Variants in CSNK1G2 observed in about 807,000 individuals in gnomAD.
The protein encoded by CSNK1G2 is casein kinase I isoform gamma-2.
Under a neutral mutation model 48.0 loss-of-function variants are expected in CSNK1G2, and 11 were observed. That is an observed-to-expected ratio of 0.23 (90% CI 0.14 to 0.38). The LOEUF is 0.38. CSNK1G2 is among the 10% of genes least tolerant of loss of function. The probability of loss-of-function intolerance (pLI) is 1.00; values close to 1 mark genes in which losing one functional copy is unlikely to be tolerated. For missense variants in CSNK1G2, 446 were observed against 595.5 expected (o/e 0.75, Z 2.61); for synonymous variants, 337 against 254.1 (o/e 1.33, Z -3.10).
chr19:1,942,259 G>T (rs1047302593), intron 1 of CSNK1G2, among the ~76,000 whole-genome samples: 3 of 152,206 alleles, frequency 2.0e-5, no homozygotes, highest in Non-Finnish European at 4.4e-5. Context: ...TCCCCGCCTG[G>T]CTCCTCTCTC....
At chr19:1,977,324 C>G (rs1304034992) in intron 2 of CSNK1G2, among the ~76,000 whole-genome samples, 1 of 152,232 alleles carries the variant, frequency 6.6e-6, no homozygotes, top group Non-Finnish European at 1.5e-5. Context: ...CACCTCTAGG[C>G]TCACCCCTCG....
intron 1 of CSNK1G2, chr19:1,953,937 C>T (rs760552497): frequency 7.5e-6 from 4 of 533,768 alleles, no homozygotes; most frequent in East Asian, 5.4e-5. Context: ...GCAGTCGGCG[C>T]GGTGAGGTTG....
At chr19:1,970,476 C>T (rs2145574862) in intron 2 of CSNK1G2, among the ~76,000 whole-genome samples, 1 of 152,352 alleles carries the variant, frequency 6.6e-6, no homozygotes. Flanking sequence ...CCCTTCTGCT[C>T]ACACCAACCT....
chr19:1,959,620 C>T (rs36122336), intron 1 of CSNK1G2, among the ~76,000 whole-genome samples: 2,378 of 71,818 alleles, frequency 0.033, 213 homozygotes, highest in African/African-American at 0.068. Context: ...CCCCAGCACC[C>T]GTGCCACCTT....
At chr19:1,977,785 T>C (rs1219883786) in intron 2 of CSNK1G2, among the ~76,000 whole-genome samples, 1 of 149,352 alleles carries the variant, frequency 6.7e-6, no homozygotes, top group Non-Finnish European at 1.5e-5. Context: ...CTGGGCCTCG[T>C]ACCTTCTGCG....
Position 1,979,650 on chromosome 19 carries a change from G to C in CSNK1G2, c.1002+7G>C. The C allele has an allele frequency of 4.4e-6, 7 of 1,601,122 alleles. No homozygotes were observed. The highest frequency in any genetic ancestry group is 1.3e-5 in the African/African-American group (1 of 74,894). ...CTGGGCCGGGAAGCCCCTGGTAGGTGGGGGGGTGCCGGTATGTGGGAGCGG... is the reference window on the plus strand; with the variant it reads ...CTGGGCCGGGAAGCCCCTGGTAGGTCGGGGGGTGCCGGTATGTGGGAGCGG... On this transcript the variant is annotated splice_region_variant and intron_variant, in intron 9 of 11. Coordinates refer to ENST00000255641, the MANE Select transcript of CSNK1G2 (RefSeq NM_001319.7).
chr19:1,944,927 C>T (rs2145492282), intron 1 of CSNK1G2, among the ~76,000 whole-genome samples: 1 of 152,358 alleles, frequency 6.6e-6, no homozygotes, highest in South Asian at 2.1e-4. Context: ...TAGCATCCCA[C>T]CCTTGCTGCC....
chr19:1,948,203 A>G (rs915231126), intron 1 of CSNK1G2, among the ~76,000 whole-genome samples: 3 of 152,338 alleles, frequency 2.0e-5, no homozygotes, highest in Admixed American at 1.3e-4. Context: ...GGTGCTGGCC[A>G]GAGCCGGGCT....
intron 1 of CSNK1G2, among the ~76,000 whole-genome samples, chr19:1,965,423 A>G (rs940013470): frequency 1.3e-5 from 2 of 151,652 alleles, no homozygotes; most frequent in Non-Finnish European, 2.9e-5. Flanking sequence ...CCCTGCTAGC[A>G]CAACATCCAG....
intron 2 of CSNK1G2, among the ~76,000 whole-genome samples, chr19:1,974,138 T>G (rs1322599062): frequency 2.0e-5 from 3 of 152,132 alleles, no homozygotes; most frequent in Admixed American, 2.0e-4. Flanking sequence ...GTGATCTACC[T>G]GCCTCAGCCT....
intron 1 of CSNK1G2, among the ~76,000 whole-genome samples, chr19:1,966,450 G>A (rs1449568578): frequency 6.6e-6 from 1 of 152,216 alleles, no homozygotes; most frequent in Non-Finnish European, 1.5e-5. Flanking sequence ...TTTAACACGT[G>A]AGGAGTTGCC....
intron 1 of CSNK1G2, among the ~76,000 whole-genome samples, chr19:1,964,292 T>TAAAA (rs538395335): frequency 7.2e-6 from 1 of 138,484 alleles, no homozygotes; most frequent in African/African-American, 2.9e-5. Flanking sequence ...GACCCTGTGT[T>TAAAA]AAAAAAAAAA....
At position 1,950,788 on chromosome 19, in the gene CSNK1G2, G is replaced by T. The variant is rs746440386; in HGVS notation, c.-266+9370G>T. Reference sequence around the variant, plus strand: ...GTGTCAGGTGGGGACCTGGCCGCTGGAAGGGAGGTGTCACCTGCTCTGGGG... The same window carrying T: ...GTGTCAGGTGGGGACCTGGCCGCTGTAAGGGAGGTGTCACCTGCTCTGGGG... On this transcript the variant is annotated intron_variant, in intron 1 of 11. Transcript: ENST00000255641. Among the ~76,000 whole-genome samples, 20 of 146,530 alleles carry T rather than the reference G, an allele frequency of 1.4e-4. 1 individual carries two copies. The highest frequency in any genetic ancestry group is 2.5e-4 in the Non-Finnish European group (17 of 67,160).
chr19:1,949,589 C>A (rs972106914), intron 1 of CSNK1G2, among the ~76,000 whole-genome samples: 7 of 152,220 alleles, frequency 4.6e-5, no homozygotes, highest in Non-Finnish European at 1.0e-4. Context: ...CACCCGTGTC[C>A]GGTTCCCGTG....
chr19:1,947,385 C>T (rs937379627), intron 1 of CSNK1G2, among the ~76,000 whole-genome samples: 4 of 152,232 alleles, frequency 2.6e-5, no homozygotes, highest in Non-Finnish European at 4.4e-5. Flanking sequence ...TGCCCCTTCC[C>T]ATCTGACCTC....
intron 1 of CSNK1G2, among the ~76,000 whole-genome samples, chr19:1,965,244 G>A (rs552810107): frequency 1.1e-4 from 16 of 150,672 alleles, no homozygotes; most frequent in South Asian, 6.4e-4. Context: ...TTAACCGGCC[G>A]TGGTGGCGGG....
At chr19:1,953,253 T>C (rs1302029427) in intron 1 of CSNK1G2, 3 of 389,968 alleles carry the variant, frequency 7.7e-6, no homozygotes, top group Non-Finnish European at 1.5e-5. Context: ...CGGGGACCCC[T>C]GCCCCCCTGG....
At chr19:1,953,529 C>T (rs1228083385) in intron 1 of CSNK1G2, 2 of 527,180 alleles carry the variant, frequency 3.8e-6, no homozygotes, top group African/African-American at 3.9e-5. Flanking sequence ...AAAATTGCCC[C>T]TATGTGGACT....
intron 1 of CSNK1G2, among the ~76,000 whole-genome samples, chr19:1,943,450 TCTC>T (rs961580576): frequency 1.2e-4 from 19 of 152,146 alleles, no homozygotes; most frequent in Admixed American, 7.2e-4. Context: ...CTTCTTTTCT[TCTC>T]CTCCTTTTTA....
Sources: allele counts gnomAD v4.1 joint callset (sites outside exome capture counted in the v4.1 genomes callset), GRCh38; gene constraint gnomAD v4.1.1; transcripts MANE v1.5; gene names NCBI Gene and HGNC (gene_info 2026-07-23, HGNC 2026-07-21).